The following CNTNAP2 variants were observed in gnomAD, a reference collection of about 807,000 sequenced individuals.
CNTNAP2 encodes the protein contactin associated protein 2.
A neutral mutation model predicts 155.2 loss-of-function variants in CNTNAP2; 98 were observed. The observed-to-expected ratio is 0.63, with a 90% CI of 0.54 to 0.75. CNTNAP2 has a LOEUF of 0.75. Ranked by LOEUF, CNTNAP2 falls within the 30% of genes least tolerant of loss-of-function variation. The pLI is 0.00. For missense variants in CNTNAP2, 1,727 were observed against 1,688.1 expected (o/e 1.02, Z -0.40); for synonymous variants, 651 against 631.2 (o/e 1.03, Z -0.47).
chr7:147,927,735 A>G (rs1800422167), intron 14 of CNTNAP2, among the ~76,000 whole-genome samples: 1 of 152,262 alleles, frequency 6.6e-6, no homozygotes, highest in South Asian at 2.1e-4. Flanking sequence ...TTCAGAAATA[A>G]CTACTGATAT....
chr7:147,462,011 A>G (rs1368041174), intron 10 of CNTNAP2, among the ~76,000 whole-genome samples: 1 of 152,186 alleles, frequency 6.6e-6, no homozygotes, highest in Admixed American at 6.5e-5. Context: ...TTTCAGCAAT[A>G]GTCGATTCCC....
intron 1 of CNTNAP2, among the ~76,000 whole-genome samples, chr7:146,318,122 CAG>C (rs1800940661): frequency 6.9e-6 from 1 of 144,594 alleles, no homozygotes. Context: ...GCTTGAGCAA[CAG>C]AGCAAGACTC....
At chr7:147,735,484 A>C (rs1796825437) in intron 13 of CNTNAP2, among the ~76,000 whole-genome samples, 1 of 152,170 alleles carries the variant, frequency 6.6e-6, no homozygotes, top group Non-Finnish European at 1.5e-5. Flanking sequence ...GGTGCTGAGA[A>C]GAATGTATAT....
chr7:148,287,436 G>T (rs939418925), intron 21 of CNTNAP2, among the ~76,000 whole-genome samples: 2 of 152,174 alleles, frequency 1.3e-5, no homozygotes, highest in Admixed American at 1.3e-4. Context: ...GGTAACATCA[G>T]TGGCCAGCAA....
intron 1 of CNTNAP2, among the ~76,000 whole-genome samples, chr7:146,276,225 A>G (rs1455385869): frequency 2.0e-5 from 3 of 152,230 alleles, no homozygotes. Flanking sequence ...CCAAATTAGA[A>G]CCAGACATTT....
intron 1 of CNTNAP2, among the ~76,000 whole-genome samples, chr7:146,476,202 T>G (rs1245896081): frequency 2.6e-5 from 4 of 152,158 alleles, no homozygotes; most frequent in Non-Finnish European, 5.9e-5. Context: ...CAAATGTAAA[T>G]TTTTTCTTCT....
At chr7:147,808,790 T>C (rs1798133497) in intron 13 of CNTNAP2, among the ~76,000 whole-genome samples, 1 of 152,232 alleles carries the variant, frequency 6.6e-6, no homozygotes, top group African/African-American at 2.4e-5. Context: ...GAAGAGGGGA[T>C]TTCTCTTTCT....
At chr7:146,783,885 A>G (rs1802531330) in intron 2 of CNTNAP2, among the ~76,000 whole-genome samples, 2 of 152,224 alleles carry the variant, frequency 1.3e-5, no homozygotes, top group Non-Finnish European at 1.5e-5. Context: ...CCAGCAGAAT[A>G]CATTTCCACT....
At chr7:147,808,987 T>G (rs79384228) in intron 13 of CNTNAP2, among the ~76,000 whole-genome samples, 4,862 of 152,212 alleles carry the variant, frequency 0.032, 131 homozygotes, top group Non-Finnish European at 0.051. Context: ...TGTTGAGTTG[T>G]CAGGGATCTG....
chr7:148,028,431 A>G (rs1049328052), intron 15 of CNTNAP2, among the ~76,000 whole-genome samples: 2 of 152,298 alleles, frequency 1.3e-5, no homozygotes, highest in African/African-American at 4.8e-5. Flanking sequence ...CTCTGAACCA[A>G]TGTCTCAGAT....
rs75717115 is a variant in CNTNAP2 at position 147,351,731 on chromosome 7, G to A, written c.1499-43878G>A. On this transcript the variant is annotated intron_variant, in intron 9 of 23. Coordinates refer to ENST00000361727, the MANE Select transcript of CNTNAP2 (RefSeq NM_014141.6). ...TTGTATTGATGCACTAGAACTCCAA[G>A]CAAGCGTCTCAGAGTGTTCTATCAC... Among the ~76,000 whole-genome samples the A allele has an allele frequency of 6.8e-3, 1,031 of 151,844 alleles. 10 individuals carry two copies. The highest frequency in any genetic ancestry group is 0.023 in the African/African-American group (970 of 41,518).
At chr7:148,386,158 A>G (rs1373346984) in intron 22 of CNTNAP2, among the ~76,000 whole-genome samples, 1 of 147,704 alleles carries the variant, frequency 6.8e-6, no homozygotes, top group Admixed American at 6.6e-5. Context: ...AAAAATTTCC[A>G]CTTACACTTG....
intron 13 of CNTNAP2, among the ~76,000 whole-genome samples, chr7:147,895,726 G>T (rs1324788967): frequency 6.6e-6 from 1 of 152,124 alleles, no homozygotes; most frequent in Admixed American, 6.5e-5. Context: ...ATAATGATTT[G>T]TAAAGCTAAA....
intron 8 of CNTNAP2, among the ~76,000 whole-genome samples, chr7:147,217,578 A>T (rs1333526032): frequency 1.3e-5 from 2 of 151,946 alleles, no homozygotes; most frequent in Middle Eastern, 3.2e-3. Flanking sequence ...GGATATTTGT[A>T]TCTATATTTA....
At chr7:147,096,897 A>T (rs1213006486) in intron 4 of CNTNAP2, among the ~76,000 whole-genome samples, 3 of 152,198 alleles carry the variant, frequency 2.0e-5, no homozygotes, top group Admixed American at 6.5e-5. Context: ...GTTTTACCAG[A>T]CAGGACCTAA....
chr7:147,562,042 A>T, intron 11 of CNTNAP2, 96 bp from the exon 12 acceptor site: 2 of 1,474,344 alleles, frequency 1.4e-6, no homozygotes, highest in Non-Finnish European at 1.9e-6. Context: ...ACTCCTAACT[A>T]GTGGTTTGCT....
At chr7:147,479,528 C>A (rs1051807543) in intron 10 of CNTNAP2, among the ~76,000 whole-genome samples, 1 of 152,082 alleles carries the variant, frequency 6.6e-6, no homozygotes, top group Non-Finnish European at 1.5e-5. Context: ...TCCTGTGGGC[C>A]AGCAATCTTT....
intron 1 of CNTNAP2, among the ~76,000 whole-genome samples, chr7:146,133,725 A>G (rs148587397): frequency 0.019 from 2,909 of 152,046 alleles, 93 homozygotes; most frequent in African/African-American, 0.065. Context: ...GATAGTTGTA[A>G]ATATGTGGCG....
chr7:147,321,420 G>A (rs1795348469), intron 9 of CNTNAP2, among the ~76,000 whole-genome samples: 2 of 152,098 alleles, frequency 1.3e-5, no homozygotes, highest in South Asian at 4.2e-4. Context: ...TTAGGATACA[G>A]AGTTATTTTT....
Sources: gnomAD v4.1 joint callset for allele counts (sites outside exome capture counted in the v4.1 genomes callset) on GRCh38, gnomAD v4.1.1 for gene constraint, MANE v1.5 for transcripts, NCBI Gene and HGNC (gene_info 2026-07-23, HGNC 2026-07-21) for gene names.